The following ZMAT4 variants were observed in gnomAD, a reference collection of about 807,000 sequenced individuals.
ZMAT4 encodes the protein zinc finger matrin-type protein 4.
Under a neutral mutation model 28.7 loss-of-function variants are expected in ZMAT4, and 17 were observed. The ratio of observed to expected loss-of-function variants is 0.59; its 90% CI spans 0.41 to 0.89. The LOEUF is 0.89. ZMAT4 is among the 40% of genes least tolerant of loss of function. The pLI, the probability that ZMAT4 is intolerant of heterozygous loss-of-function variation, is 0.00. For missense variants in ZMAT4, 240 were observed against 283.8 expected (o/e 0.85, Z 1.11); for synonymous variants, 117 against 109.2 (o/e 1.07, Z -0.44).
chr8:40,807,597 C>T (rs1373550241), intron 2 of ZMAT4, among the ~76,000 whole-genome samples: 1 of 152,138 alleles, frequency 6.6e-6, no homozygotes, highest in African/African-American at 2.4e-5. Context: ...AGACTATGTA[C>T]CTCTCTGCCA....
chr8:40,712,139 G>C (rs1410669912), intron 3 of ZMAT4, among the ~76,000 whole-genome samples: 2 of 152,116 alleles, frequency 1.3e-5, no homozygotes, highest in African/African-American at 4.8e-5. Context: ...ATTTCTACCT[G>C]CTGTAAGGCA....
At chr8:40,584,614 T>G (rs1372640203) in intron 5 of ZMAT4, among the ~76,000 whole-genome samples, 1 of 152,014 alleles carries the variant, frequency 6.6e-6, no homozygotes, top group Non-Finnish European at 1.5e-5. Flanking sequence ...TTGAATGAAC[T>G]AATGGAGGAA....
At chr8:40,724,548 A>T (rs1811242968) in intron 3 of ZMAT4, among the ~76,000 whole-genome samples, 1 of 152,242 alleles carries the variant, frequency 6.6e-6, no homozygotes, top group Non-Finnish European at 1.5e-5. Context: ...TATGCCAGGC[A>T]TTGAGGAGAC....
At chr8:40,586,709 A>G (rs545629744) in intron 5 of ZMAT4, among the ~76,000 whole-genome samples, 17 of 152,346 alleles carry the variant, frequency 1.1e-4, no homozygotes, top group Admixed American at 9.8e-4. Context: ...AATTGTATCC[A>G]TTCTACATTA....
intron 3 of ZMAT4, among the ~76,000 whole-genome samples, chr8:40,738,904 C>T (rs1811885057): frequency 6.6e-6 from 1 of 152,134 alleles, no homozygotes; most frequent in African/African-American, 2.4e-5. Context: ...CAAAACGTAT[C>T]GTGTGTCAAC....
chr8:40,719,042 C>T (rs995370628), intron 3 of ZMAT4, among the ~76,000 whole-genome samples: 1 of 152,110 alleles, frequency 6.6e-6, no homozygotes, highest in Non-Finnish European at 1.5e-5. Flanking sequence ...AGATGAGAAC[C>T]GGATGGGGCC....
chr8:40,545,950 T>TAA (rs36053017), intron 6 of ZMAT4, among the ~76,000 whole-genome samples: 20,273 of 132,760 alleles, frequency 0.15, 1,789 homozygotes, highest in Middle Eastern at 0.23. Context: ...TGAAGCCCAG[T>TAA]AAAAAAAAAA....
Position 40,565,259 on chromosome 8 carries a change from C to T in ZMAT4, c.674+15906G>A, listed in dbSNP as rs1901375. Among the ~76,000 whole-genome samples, 244 of 152,152 alleles carry T rather than the reference C, an allele frequency of 1.6e-3. 1 individual carries two copies. The highest frequency in any genetic ancestry group is 5.6e-3 in the African/African-American group (233 of 41,508). ...AGTGATGAGGGCTTTTCAGAGAATG[C>T]CCAGAAAATATGAGTTTCTAAGTGA... On this transcript the variant is annotated intron_variant, in intron 6 of 6. Transcript: ENST00000297737.
intron 3 of ZMAT4, among the ~76,000 whole-genome samples, chr8:40,720,891 G>A (rs1409589402): frequency 1.3e-5 from 2 of 152,108 alleles, no homozygotes; most frequent in Admixed American, 6.6e-5. Flanking sequence ...AGGGAGGGAA[G>A]GGGGGGAAAT....
intron 4 of ZMAT4, among the ~76,000 whole-genome samples, chr8:40,690,418 A>T (rs938683667): frequency 3.9e-5 from 6 of 152,210 alleles, no homozygotes; most frequent in Admixed American, 3.9e-4. Flanking sequence ...AAGCCAAAAC[A>T]TCAACTGGAA....
At chr8:40,802,989 A>G (rs559655005) in intron 2 of ZMAT4, among the ~76,000 whole-genome samples, 27 of 152,334 alleles carry the variant, frequency 1.8e-4, no homozygotes, top group African/African-American at 6.3e-4. Context: ...ATGTTCAACA[A>G]ATGGTGCTAG....
intron 5 of ZMAT4, among the ~76,000 whole-genome samples, chr8:40,589,205 G>A (rs189142663): frequency 9.2e-5 from 14 of 152,204 alleles, no homozygotes; most frequent in African/African-American, 3.4e-4. Context: ...GCAACACTCT[G>A]GGGTAGATAC....
At chr8:40,868,693 A>C (rs915118018) in intron 1 of ZMAT4, among the ~76,000 whole-genome samples, 6 of 152,090 alleles carry the variant, frequency 3.9e-5, no homozygotes, top group African/African-American at 1.2e-4. Flanking sequence ...ATTATCACAA[A>C]TCCCCCCTGT....
In ZMAT4 at chr8:40,600,323, T is replaced by C. The variant is rs1161175492; in HGVS notation, c.578-19062A>G. ...CAACAGATAAGCAAAGCAAAATATCTCTTGCAATCAGATATTCTGTTATTC... is the reference window on the plus strand; with the variant it reads ...CAACAGATAAGCAAAGCAAAATATCCCTTGCAATCAGATATTCTGTTATTC... On this transcript the variant is annotated intron_variant, in intron 5 of 6. Coordinates refer to ENST00000297737, the MANE Select transcript of ZMAT4 (RefSeq NM_024645.3). Among the ~76,000 whole-genome samples the C allele has an allele frequency of 3.3e-5, 5 of 152,328 alleles. No homozygotes were observed. The East Asian group carries it at 9.7e-4, about 29-fold the overall frequency.
At chr8:40,746,013 T>C (rs1812200540) in intron 3 of ZMAT4, among the ~76,000 whole-genome samples, 1 of 152,212 alleles carries the variant, frequency 6.6e-6, no homozygotes, top group South Asian at 2.1e-4. Flanking sequence ...CAGATCTCCT[T>C]GGTGGTCTCA....
chr8:40,858,226 G>A lies in ZMAT4; in HGVS notation c.-4-32546C>T, dbSNP rs183728403. On this transcript the variant is annotated intron_variant, in intron 1 of 6. Coordinates refer to ENST00000297737, the MANE Select transcript of ZMAT4 (RefSeq NM_024645.3). ...ACTCAAGAGCTCCAACAGACAGACC[G>A]GAAGAAGAGATTTGCCACTAATGAA... 4.6e-5 allele frequency among the ~76,000 whole-genome samples: 7 copies of A among 152,306 alleles called. No homozygotes were observed. In the East Asian group the frequency reaches 5.8e-4, roughly 13 times the overall value.
At chr8:40,542,066 G>C (rs889268077) in intron 6 of ZMAT4, among the ~76,000 whole-genome samples, 1 of 152,166 alleles carries the variant, frequency 6.6e-6, no homozygotes, top group Non-Finnish European at 1.5e-5. Flanking sequence ...GTTGGGGGGA[G>C]GAATGTGTGG....
chr8:40,743,729 G>C (rs963920225), intron 3 of ZMAT4, among the ~76,000 whole-genome samples: 1 of 152,124 alleles, frequency 6.6e-6, no homozygotes, highest in Admixed American at 6.5e-5. Flanking sequence ...GCCGATTCCG[G>C]CGTGAAGCCA....
At position 40,801,354 on chromosome 8, in the gene ZMAT4, AT is replaced by A. The variant is rs200958107; in HGVS notation, c.102+24220del. 0.017 allele frequency among the ~76,000 whole-genome samples: 1,026 copies of A among 59,548 alleles called. 20 individuals are homozygous for A. In the East Asian group the frequency reaches 0.33, roughly 19 times the overall value. 39.1% of individuals were successfully genotyped at this position (59,548 alleles called of 152,430 possible). A position where few individuals can be genotyped will look rare whatever the true frequency, so the allele number is the denominator to read the frequency against. On this transcript the variant is annotated intron_variant, in intron 2 of 6. Coordinates refer to ENST00000297737, the MANE Select transcript of ZMAT4 (RefSeq NM_024645.3). ...TGATACTTTCTTTAAAAAAAAAAAT[AT>A]ATATATATATATATATACATATATA...
Sources: allele counts gnomAD v4.1 joint callset (sites outside exome capture counted in the v4.1 genomes callset), GRCh38; gene constraint gnomAD v4.1.1; transcripts MANE v1.5; gene names NCBI Gene and HGNC (gene_info 2026-07-23, HGNC 2026-07-21).